Variants in ANKS1B observed in about 807,000 individuals in gnomAD.
ANKS1B encodes ankyrin repeat and sterile alpha motif domain containing 1B, also known as ankyrin repeat and sterile alpha motif domain-containing protein 1B.
A neutral mutation model predicts 148.3 loss-of-function variants in ANKS1B; 36 were observed. That is an observed-to-expected ratio of 0.24 (90% CI 0.19 to 0.32). The LOEUF (loss-of-function observed/expected upper bound fraction) is 0.32. Among genes scored for constraint, ANKS1B ranks in the 10% least tolerant of loss-of-function variants. ANKS1B has a pLI of 1.00. For synonymous variants in ANKS1B, 542 were observed against 560.8 expected, an observed-to-expected ratio of 0.97 and a Z score of 0.47; for missense variants, 1,157 against 1,542.6, an observed-to-expected ratio of 0.75 and a Z score of 4.19.
intron 1 of ANKS1B, among the ~76,000 whole-genome samples, chr12:99,928,075 A>C (rs1483440338): frequency 1.3e-5 from 2 of 151,984 alleles, no homozygotes; most frequent in Non-Finnish European, 2.9e-5. Context: ...GAAAACACTT[A>C]ATTATGAAGT....
At chr12:99,953,900 A>C (rs1321785115) in intron 1 of ANKS1B, among the ~76,000 whole-genome samples, 3 of 152,250 alleles carry the variant, frequency 2.0e-5, no homozygotes, top group African/African-American at 7.2e-5. Context: ...GCTGAGAGCA[A>C]GAATGAAATT....
At chr12:99,188,633 T>C (rs1191123146) in intron 14 of ANKS1B, among the ~76,000 whole-genome samples, 2 of 152,120 alleles carry the variant, frequency 1.3e-5, no homozygotes, top group Non-Finnish European at 2.9e-5. Context: ...AATAAATAAG[T>C]TATTTGAAAC....
chr12:99,543,391 C>T (rs1447948811), intron 9 of ANKS1B, among the ~76,000 whole-genome samples: 1 of 152,058 alleles, frequency 6.6e-6, no homozygotes, highest in Admixed American at 6.6e-5. Context: ...AATAGTGTAA[C>T]CACTTTGGAA....
intron 9 of ANKS1B, among the ~76,000 whole-genome samples, chr12:99,606,108 T>A (rs1175314140): frequency 6.6e-6 from 1 of 152,180 alleles, no homozygotes; most frequent in East Asian, 1.9e-4. Context: ...TTTTTCCATA[T>A]ACTTCTTGGC....
intron 1 of ANKS1B, among the ~76,000 whole-genome samples, chr12:99,925,010 TTC>T (rs1440986510): frequency 6.6e-6 from 1 of 152,148 alleles, no homozygotes; most frequent in African/African-American, 2.4e-5. Context: ...CACAGAATTT[TTC>T]TGTTTTGTTC....
At chr12:99,552,684 G>A (rs1323583169) in intron 9 of ANKS1B, among the ~76,000 whole-genome samples, 3 of 152,090 alleles carry the variant, frequency 2.0e-5, no homozygotes, top group African/African-American at 4.8e-5. Context: ...CTGTCCCTCA[G>A]TATCCATGGG....
intron 12 of ANKS1B, among the ~76,000 whole-genome samples, chr12:99,364,147 A>AT (rs1232359977): frequency 6.6e-6 from 1 of 152,142 alleles, no homozygotes; most frequent in East Asian, 1.9e-4. Flanking sequence ...CAAATATTTT[A>AT]TTTTTTGCAG....
At chr12:99,677,274 C>T (rs1288842017) in intron 8 of ANKS1B, among the ~76,000 whole-genome samples, 1 of 152,186 alleles carries the variant, frequency 6.6e-6, no homozygotes, top group South Asian at 2.1e-4. Flanking sequence ...TGCACCATTA[C>T]AAAATTGACA....
In ANKS1B at chr12:99,649,195, C is replaced by T. The variant is rs2098401857; in HGVS notation, c.1272+5872G>A. 5.1e-6 allele frequency: 5 copies of T among 973,614 alleles called. No homozygotes were observed. In the South Asian group the frequency reaches 7.1e-5, roughly 14 times the overall value. 60.3% of individuals were successfully genotyped at this position (973,614 alleles called of 1,614,324 possible). A position where few individuals can be genotyped will look rare whatever the true frequency, so the allele number is the denominator to read the frequency against. Reference sequence around the variant, plus strand: ...GGTGGCAACACAACATGTTTGTGTACTTGTGCAATAATTTCTTTTTGTTGT... The same window carrying T: ...GGTGGCAACACAACATGTTTGTGTATTTGTGCAATAATTTCTTTTTGTTGT... On this transcript the variant is annotated intron_variant, in intron 9 of 26. Transcript: ENST00000683438.
chr12:99,940,982 C>T (rs996626267), intron 1 of ANKS1B, among the ~76,000 whole-genome samples: 7 of 152,188 alleles, frequency 4.6e-5, no homozygotes, highest in African/African-American at 9.6e-5. Flanking sequence ...ATATTATGTA[C>T]GTAATTATTG....
chr12:99,030,211 C>T (rs551918385), intron 17 of ANKS1B, among the ~76,000 whole-genome samples: 33 of 152,334 alleles, frequency 2.2e-4, no homozygotes, highest in African/African-American at 7.9e-4. Flanking sequence ...CAGGCAGCTT[C>T]CTTTGCTCCC....
intron 17 of ANKS1B, among the ~76,000 whole-genome samples, chr12:98,991,719 G>T (rs2099926678): frequency 6.6e-6 from 1 of 152,132 alleles, no homozygotes; most frequent in African/African-American, 2.4e-5. Flanking sequence ...CAAATCACTG[G>T]GAAGTTAACT....
At chr12:99,321,653 T>G (rs2085294156) in intron 12 of ANKS1B, among the ~76,000 whole-genome samples, 1 of 152,176 alleles carries the variant, frequency 6.6e-6, no homozygotes, top group African/African-American at 2.4e-5. Context: ...TTGCACTTCC[T>G]GGGTAAGGCG....
At chr12:98,807,576 G>A (rs772600326) in intron 20 of ANKS1B, among the ~76,000 whole-genome samples, 6 of 151,882 alleles carry the variant, frequency 4.0e-5, no homozygotes, top group Admixed American at 6.6e-5. Flanking sequence ...TAACACAGAC[G>A]CCTGGAATGA....
intron 8 of ANKS1B, among the ~76,000 whole-genome samples, chr12:99,739,350 G>GT (rs71088146): frequency 2.6e-5 from 3 of 115,150 alleles, no homozygotes; most frequent in African/African-American, 1.0e-4. Context: ...TTTGGGGGGG[G>GT]CGGGGCCAAA....
chr12:98,748,017 G>A (rs984989076), intron 26 of ANKS1B, among the ~76,000 whole-genome samples: 1 of 152,022 alleles, frequency 6.6e-6, no homozygotes, highest in Non-Finnish European at 1.5e-5. Context: ...AATAGAAGGA[G>A]TAAGTTCTAG....
chr12:99,742,543 A>G (rs2060219037), intron 8 of ANKS1B, among the ~76,000 whole-genome samples: 1 of 152,098 alleles, frequency 6.6e-6, no homozygotes, highest in Non-Finnish European at 1.5e-5. Flanking sequence ...TAAAATGCAC[A>G]CTAGAATTTG....
At chr12:99,111,813 G>A (rs1311804712) in intron 15 of ANKS1B, among the ~76,000 whole-genome samples, 4 of 152,016 alleles carry the variant, frequency 2.6e-5, no homozygotes, top group Admixed American at 2.6e-4. Flanking sequence ...ATGGCAACAA[G>A]GCGATGGTGG....
rs555011379 is a variant in ANKS1B at position 99,811,650 on chromosome 12, G to GTA, written c.372+503_372+504dup. 3.4e-3 allele frequency among the ~76,000 whole-genome samples: 507 copies of GTA among 151,192 alleles called. 4 individuals are homozygous for GTA. Among genetic ancestry groups the GTA allele is most frequent in the African/African-American group, 0.011 (451 of 41,314 alleles). On this transcript the variant is annotated intron_variant, in intron 3 of 26. Coordinates refer to ENST00000683438, the MANE Select transcript of ANKS1B (RefSeq NM_001352186.2). ...ATTCTGGGCATATGTGTTTGTGTTT[G>GTA]TATATATATATATCAAAAAATTTTA...
Sources: gnomAD v4.1 joint callset for allele counts (sites outside exome capture counted in the v4.1 genomes callset) on GRCh38, gnomAD v4.1.1 for gene constraint, MANE v1.5 for transcripts, NCBI Gene and HGNC (gene_info 2026-07-23, HGNC 2026-07-21) for gene names.